The following CFAP54 variants were observed in gnomAD, a reference collection of about 807,000 sequenced individuals.
The protein encoded by CFAP54 is cilia and flagella associated protein 54.
Under a neutral mutation model 370.4 loss-of-function variants are expected in CFAP54, and 290 were observed. The ratio of observed to expected loss-of-function variants is 0.78; its 90% CI spans 0.71 to 0.86. The LOEUF (loss-of-function observed/expected upper bound fraction) is 0.86, where lower values mean the gene tolerates loss of function less well. CFAP54 is among the 40% of genes least tolerant of loss of function. The pLI, the probability that CFAP54 is intolerant of heterozygous loss-of-function variation, is 0.00. For synonymous variants in CFAP54, 1,206 were observed against 1,236.5 expected (o/e 0.98, Z 0.52); for missense variants, 3,399 against 3,528.7 (o/e 0.96, Z 0.93).
chr12:96,539,064 G>GGTTTTTTTTT (rs1555229705), intron 13 of CFAP54, among the ~76,000 whole-genome samples: 1 of 111,832 alleles, frequency 8.9e-6, no homozygotes, highest in African/African-American at 3.5e-5. Flanking sequence ...GCCTTTTCAG[G>GGTTTTTTTTT]TTTTTTTTTT....
chr12:96,731,552 C>T (rs7969397), intron 50 of CFAP54, among the ~76,000 whole-genome samples: 2,366 of 152,150 alleles, frequency 0.016, 78 homozygotes, highest in African/African-American at 0.055. Context: ...TATTTGTTGC[C>T]GATGATAGAA....
intron 17 of CFAP54, among the ~76,000 whole-genome samples, chr12:96,556,771 A>G (rs1192211721): frequency 6.6e-6 from 1 of 152,222 alleles, no homozygotes; most frequent in Non-Finnish European, 1.5e-5. Flanking sequence ...ATGGAGCTGG[A>G]GGCTATTATC....
At chr12:96,588,916 TTC>T (rs2136432158) in intron 22 of CFAP54, among the ~76,000 whole-genome samples, 1 of 152,374 alleles carries the variant, frequency 6.6e-6, no homozygotes, top group South Asian at 2.1e-4. Flanking sequence ...CTTGGAAAGC[TTC>T]TCTGTTTTAT....
chr12:96,538,770 G>A lies in CFAP54; in HGVS notation c.1926+252G>A, dbSNP rs12322081. On this transcript the variant is annotated intron_variant, in intron 13 of 67. Transcript: ENST00000524981. Reference sequence around the variant, plus strand: ...GGTGTTTCAGGCCTTTTTTTTTTTGGCAGAGTCTTGCTCTGTCCTGGAGGC... The same window carrying A: ...GGTGTTTCAGGCCTTTTTTTTTTTGACAGAGTCTTGCTCTGTCCTGGAGGC... 2,669 of 388,984 alleles carry A rather than the reference G, an allele frequency of 6.9e-3. 17 individuals carry two copies. Among genetic ancestry groups the A allele is most frequent in the Middle Eastern group, 0.014 (18 of 1,306 alleles). The allele number at this position is 388,984 out of a possible 1,614,324, so 24.1% of individuals were successfully genotyped here.
At chr12:96,807,824 G>A (rs1434851993) in intron 63 of CFAP54, among the ~76,000 whole-genome samples, 1 of 152,172 alleles carries the variant, frequency 6.6e-6, no homozygotes, top group Non-Finnish European at 1.5e-5. Flanking sequence ...GAGTGATCAT[G>A]AGCTAAAATA....
At chr12:96,738,512 C>G in intron 50 of CFAP54, among the ~76,000 whole-genome samples, 1 of 151,998 alleles carries the variant, frequency 6.6e-6, no homozygotes, top group South Asian at 2.1e-4. Flanking sequence ...CTTGGCGTTC[C>G]TCGGCTTGTA....
intron 12 of CFAP54, among the ~76,000 whole-genome samples, chr12:96,537,134 CATT>C (rs1425700850): frequency 6.6e-6 from 1 of 152,090 alleles, no homozygotes; most frequent in Non-Finnish European, 1.5e-5. Flanking sequence ...ATCATAAACT[CATT>C]ATTTTTCTAA....
intron 26 of CFAP54, among the ~76,000 whole-genome samples, chr12:96,612,805 A>C (rs1052418598): frequency 2.0e-5 from 3 of 152,162 alleles, no homozygotes; most frequent in Admixed American, 6.6e-5. Context: ...GGGATCAATT[A>C]AACAAGAAGA....
intron 4 of CFAP54, among the ~76,000 whole-genome samples, chr12:96,510,819 T>C (rs551529905): frequency 6.6e-6 from 1 of 152,048 alleles, no homozygotes; most frequent in East Asian, 1.9e-4. Flanking sequence ...AAAAATTAGC[T>C]GAGCGTGGTG....
At position 96,694,505 on chromosome 12, in the gene CFAP54, G is replaced by A. The variant is rs542587533; in HGVS notation, c.6351+697G>A. Reference sequence around the variant, plus strand: ...ATATCTTACGCACACACACACACGCGCACACACACACACACAACATATATT... The same window carrying A: ...ATATCTTACGCACACACACACACGCACACACACACACACACAACATATATT... On this transcript the variant is annotated intron_variant, in intron 45 of 67. Transcript: ENST00000524981. 3.1e-4 allele frequency among the ~76,000 whole-genome samples: 47 copies of A among 150,564 alleles called. No individual in the cohort carries two copies. The East Asian group carries it at 4.7e-3, about 15-fold the overall frequency.
chr12:96,518,983 T>G lies in CFAP54; in HGVS notation c.854T>G (p.Leu285Arg), dbSNP rs1955272079. 1 of 1,536,026 alleles carries G rather than the reference T, an allele frequency of 6.5e-7. No homozygotes were observed. The highest frequency in any genetic ancestry group is 8.7e-7 in the Non-Finnish European group (1 of 1,146,916). The change falls in exon 6 of 68, where the codon CTG becomes CGG. Residue 285 changes from leucine to arginine, a missense_variant. Leu to Arg is a moderately radical substitution (Grantham distance 102). This residue lies in a region of CFAP54 where 559 missense variants were observed against 576.7 expected (regional missense o/e 0.97). Transcript: ENST00000524981. ...TGTATGGAGTCCTTGGTCCCGCTCC[T>G]GTCACTCAGGTACTTGACATGGCGC... Reference protein sequence around the residue: ...SMCMESLVPLLSLRYLTWRAT... With the variant: ...SMCMESLVPLRSLRYLTWRAT...
chr12:96,665,111 G>GT (rs71068822), intron 39 of CFAP54, among the ~76,000 whole-genome samples: 34 of 146,566 alleles, frequency 2.3e-4, no homozygotes, highest in Non-Finnish European at 4.4e-4. Context: ...CCACATGTAT[G>GT]TTTTTTTTTT....
chr12:96,564,318 G>A (rs570620814), intron 17 of CFAP54, 150 bp from the exon 18 acceptor site: 278 of 485,536 alleles, frequency 5.7e-4, no homozygotes, highest in African/African-American at 4.7e-3. Flanking sequence ...CTGCATTATA[G>A]TAGATTTATA....
In CFAP54 at chr12:96,583,201, AT is replaced by A. The variant is rs538905913; in HGVS notation, c.3075+2105del. On this transcript the variant is annotated intron_variant, in intron 22 of 67. Coordinates refer to ENST00000524981, the MANE Select transcript of CFAP54 (RefSeq NM_001306084.2). The stretch of plus-strand genomic sequence containing the variant: ...GGCTATTAGTTTAGTGTATCTGGAA[AT>A]TTTTTTTTGAGGAAACTTTTTGAAT... Among the ~76,000 whole-genome samples the A allele has an allele frequency of 4.0e-4, 60 of 151,610 alleles. No individual in the cohort carries two copies. The East Asian group carries it at 0.01, about 25-fold the overall frequency.
intron 50 of CFAP54, among the ~76,000 whole-genome samples, chr12:96,727,131 G>C (rs950789744): frequency 6.6e-6 from 1 of 151,820 alleles, no homozygotes; most frequent in Non-Finnish European, 1.5e-5. Context: ...GTGGTGTGGT[G>C]CTGAAAAAAA....
rs570953075 is a variant in CFAP54 at position 96,695,097 on chromosome 12, G to T, written c.6351+1289G>T. ...GTGGCATTTTCAATCTCCATCCATG[G>T]TGTGAATACTCCCACTATGTCTGAC... On this transcript the variant is annotated intron_variant, in intron 45 of 67. Coordinates refer to ENST00000524981, the MANE Select transcript of CFAP54 (RefSeq NM_001306084.2). Among the ~76,000 whole-genome samples, 3 of 152,260 alleles carry T rather than the reference G, an allele frequency of 2.0e-5. No individual in the cohort carries two copies. The South Asian group carries it at 6.2e-4, about 32-fold the overall frequency.
chr12:96,691,171 G>T lies in CFAP54; in HGVS notation c.6125G>T (p.Cys2042Phe). 6.2e-7 allele frequency: 1 copy of T among 1,613,476 alleles called. No individual in the cohort carries two copies. Among genetic ancestry groups the T allele is most frequent in the Non-Finnish European group, 8.5e-7 (1 of 1,179,718 alleles). The change falls in exon 44 of 68, where the codon TGC becomes TTC. Residue 2042 changes from cysteine (C) to phenylalanine (F), a missense_variant. Coordinates refer to ENST00000524981, the MANE Select transcript of CFAP54 (RefSeq NM_001306084.2). Reference protein sequence around the residue: ...TTLPHPKAERCYAQYEITQLL... With the variant: ...TTLPHPKAERFYAQYEITQLL... The stretch of plus-strand genomic sequence containing the variant: ...CTTCCACATCCCAAAGCTGAACGTT[G>T]CTATGCTCAATATGAAATCACTCAG...
chr12:96,534,249 C>T (rs1565887581), intron 11 of CFAP54, 22 bp downstream of exon 11: 8 of 1,330,294 alleles, frequency 6.0e-6, no homozygotes, highest in Non-Finnish European at 8.1e-6. Flanking sequence ...TTTGTTTGTT[C>T]AAAAAATTTA....
chr12:96,864,245 G>T (rs1032305693), intron 67 of CFAP54, among the ~76,000 whole-genome samples: 1 of 152,132 alleles, frequency 6.6e-6, no homozygotes, highest in African/African-American at 2.4e-5. Context: ...GAGGCAAACT[G>T]AAAGGGGGAG....
Sources: allele counts gnomAD v4.1 joint callset (sites outside exome capture counted in the v4.1 genomes callset), GRCh38; gene constraint gnomAD v4.1.1; regional missense constraint gnomAD v4.1.1; transcripts MANE v1.5; gene names NCBI Gene and HGNC (gene_info 2026-07-23, HGNC 2026-07-21).